Variants in LINC00632 observed in about 807,000 individuals in gnomAD.
LINC00632 encodes the protein long independently transcribed non-coding RNA 632.
chrX:140,717,250 G>C (rs1212263229), intron 2 of LINC00632, among the ~76,000 whole-genome samples: 1 of 110,622 alleles, frequency 9.0e-6, no homozygotes, highest in Non-Finnish European at 1.9e-5. Context: ...CAAAGTGCTG[G>C]GATAACAGGC....
At chrX:140,757,626 G>T (rs1157596832) in intron 3 of LINC00632, among the ~76,000 whole-genome samples, 1 of 111,405 alleles carries the variant, frequency 9.0e-6, no homozygotes, top group East Asian at 2.8e-4. Flanking sequence ...TAGTGCAGAG[G>T]CGCAATCTCG....
chrX:140,769,484 C>G (rs190770534), intron 3 of LINC00632, among the ~76,000 whole-genome samples: 68 of 109,663 alleles, frequency 6.2e-4, no homozygotes, highest in African/African-American at 2.2e-3. Context: ...CCCCACCCCC[C>G]CCATGAAAGC....
chrX:140,784,562 C>T (rs1396265374), exon 5 of LINC00632: 1 of 494,164 alleles, frequency 2.0e-6, no homozygotes. Flanking sequence ...CCAACAACTA[C>T]CCAGTCTTCC....
At chrX:140,757,201 T>C (rs1931508131) in intron 3 of LINC00632, among the ~76,000 whole-genome samples, 1 of 111,681 alleles carries the variant, frequency 9.0e-6, no homozygotes, top group South Asian at 3.8e-4. Context: ...TGGATTGCCA[T>C]GATGGGGTTT....
intron 2 of LINC00632, among the ~76,000 whole-genome samples, chrX:140,723,633 A>G (rs868700023): frequency 1.7e-5 from 1 of 59,506 alleles, no homozygotes; most frequent in African/African-American, 5.5e-5. Context: ...CATTCCATAC[A>G]CACACACATT....
At chrX:140,718,697 C>T (rs1310754574) in intron 2 of LINC00632, among the ~76,000 whole-genome samples, 1 of 111,726 alleles carries the variant, frequency 9.0e-6, no homozygotes, top group Non-Finnish European at 1.9e-5. Context: ...AGGCATGAGC[C>T]ACCGCGCCCA....
intron 3 of LINC00632, among the ~76,000 whole-genome samples, chrX:140,771,697 T>TTTA (rs1931801377): frequency 6.3e-5 from 6 of 95,799 alleles, no homozygotes; most frequent in Non-Finnish European, 8.3e-5. Flanking sequence ...TTTTTTTTTT[T>TTTA]GAGACGGAAT....
At position 140,757,237 on chromosome X, in the gene LINC00632, C is replaced by T. The variant is rs758606301; in HGVS notation, n.192-14841C>T. The stretch of plus-strand genomic sequence containing the variant: ...CTGTCAGCAGGTTATTACAACCGTG[C>T]GCCTTGAGGAGATGAAAAAAATTTA... On this transcript the variant is annotated intron_variant and non_coding_transcript_variant, in intron 3 of 4. Coordinates refer to ENST00000648200, the Ensembl canonical transcript of LINC00632. 4.5e-5 allele frequency among the ~76,000 whole-genome samples: 5 copies of T among 110,961 alleles called. No individual in the cohort carries two copies. The East Asian group carries it at 1.1e-3, about 25-fold the overall frequency.
At chrX:140,713,258 C>T (rs1930555470) in intron 2 of LINC00632, among the ~76,000 whole-genome samples, 1 of 109,727 alleles carries the variant, frequency 9.1e-6, no homozygotes, top group Non-Finnish European at 1.9e-5. Context: ...TCTATATGCT[C>T]ACCAGTGACC....
chrX:140,717,400 C>T (rs982490014), intron 2 of LINC00632, among the ~76,000 whole-genome samples: 2 of 110,864 alleles, frequency 1.8e-5, no homozygotes, highest in Non-Finnish European at 3.8e-5. Context: ...AGGCCCCATA[C>T]CACACAGATT....
intron 2 of LINC00632, among the ~76,000 whole-genome samples, chrX:140,723,736 C>T (rs865903772): frequency 3.2e-3 from 2 of 632 alleles, no homozygotes; most frequent in African/African-American, 4.4e-3. Context: ...ATTCCAAACA[C>T]ACACACACAT....
At chrX:140,768,678 A>G (rs762389056) in intron 3 of LINC00632, among the ~76,000 whole-genome samples, 1,731 of 97,832 alleles carry the variant, frequency 0.018, 31 homozygotes, top group African/African-American at 0.047. Context: ...TAATAAATAT[A>G]CATACTATAT....
At chrX:140,749,499 C>T (rs1488924341) in intron 3 of LINC00632, among the ~76,000 whole-genome samples, 1 of 110,350 alleles carries the variant, frequency 9.1e-6, no homozygotes, top group Non-Finnish European at 1.9e-5. Context: ...AGTGAACTGC[C>T]CAGATATCAA....
At chrX:140,769,347 A>G (rs375936304) in intron 3 of LINC00632, among the ~76,000 whole-genome samples, 1 of 111,524 alleles carries the variant, frequency 9.0e-6, no homozygotes, top group South Asian at 3.8e-4. Context: ...ACATCTTTCT[A>G]GACCAGTCCT....
exon 5 of LINC00632, among the ~76,000 whole-genome samples, chrX:140,780,889 A>G: frequency 9.0e-6 from 1 of 110,829 alleles, no homozygotes; most frequent in South Asian, 3.9e-4. Context: ...TAACTGTATT[A>G]GCCTCACATC....
At chrX:140,761,658 C>T (rs1214646604) in intron 3 of LINC00632, among the ~76,000 whole-genome samples, 1 of 112,691 alleles carries the variant, frequency 8.9e-6, no homozygotes, top group Non-Finnish European at 1.9e-5. Context: ...AAGGTTTAAG[C>T]CTTAAGTATC....
At chrX:140,739,787 T>C (rs942667576) in intron 3 of LINC00632, among the ~76,000 whole-genome samples, 1 of 110,395 alleles carries the variant, frequency 9.1e-6, no homozygotes, top group Admixed American at 9.8e-5. Context: ...CCATTGATTA[T>C]AAGATCCATT....
intron 3 of LINC00632, among the ~76,000 whole-genome samples, chrX:140,763,402 CAAA>C (rs139059108): frequency 0.067 from 4,905 of 73,616 alleles, 387 homozygotes; most frequent in African/African-American, 0.22. Context: ...GACTCTGTCT[CAAA>C]AAAAAAAAAA....
At chrX:140,787,488 T>A (rs1336088629) in exon 5 of LINC00632, among the ~76,000 whole-genome samples, 1 of 111,909 alleles carries the variant, frequency 8.9e-6, no homozygotes, top group African/African-American at 3.2e-5. Context: ...ATGTAAGGTG[T>A]GAAGAACACA....
Sources: gnomAD v4.1 joint callset for allele counts (sites outside exome capture counted in the v4.1 genomes callset) on GRCh38, gnomAD v4.1.1 for gene constraint, MANE v1.5 for transcripts, NCBI Gene and HGNC (gene_info 2026-07-23, HGNC 2026-07-21) for gene names.